The following MYRIP variants were observed in gnomAD, a reference collection of about 807,000 sequenced individuals.
The protein encoded by MYRIP is rab effector MyRIP.
In MYRIP, 49 loss-of-function variants were observed where a neutral mutation model predicts 98.0. The ratio of observed to expected loss-of-function variants is 0.50; its 90% CI spans 0.40 to 0.63. MYRIP has a LOEUF of 0.63. Ranked by LOEUF, MYRIP falls within the 30% of genes least tolerant of loss-of-function variation. The probability of loss-of-function intolerance (pLI) is 0.00; values close to 1 mark genes in which losing one functional copy is unlikely to be tolerated. For synonymous variants in MYRIP, 404 were observed against 409.5 expected, an observed-to-expected ratio of 0.99 and a Z score of 0.16; for missense variants, 1,004 against 1,058.2, an observed-to-expected ratio of 0.95 and a Z score of 0.71.
intron 1 of MYRIP, among the ~76,000 whole-genome samples, chr3:39,831,707 T>C (rs1941452998): frequency 6.6e-6 from 1 of 152,228 alleles, no homozygotes; most frequent in Admixed American, 6.5e-5. Context: ...ATTCTACATA[T>C]ATTTACACAT....
At chr3:39,945,494 AAAAAG>A (rs1559531695) in intron 2 of MYRIP, among the ~76,000 whole-genome samples, 1 of 148,312 alleles carries the variant, frequency 6.7e-6, no homozygotes, top group African/African-American at 2.5e-5. Context: ...AAAAAAAAGA[AAAAAG>A]AAAAAAAAAG....
intron 3 of MYRIP, among the ~76,000 whole-genome samples, chr3:40,058,831 C>T (rs28618136): frequency 0.29 from 44,045 of 151,756 alleles, 6,479 homozygotes; most frequent in East Asian, 0.36. Context: ...ATGTGCAGAA[C>T]GTGCAGGTTT....
chr3:39,885,356 C>G (rs549463545), intron 1 of MYRIP, among the ~76,000 whole-genome samples: 1 of 151,930 alleles, frequency 6.6e-6, no homozygotes, highest in Non-Finnish European at 1.5e-5. Context: ...GAGTTTCTGC[C>G]GAGAGATCCG....
intron 1 of MYRIP, among the ~76,000 whole-genome samples, chr3:39,882,810 G>A (rs1575340148): frequency 1.3e-5 from 2 of 152,204 alleles, no homozygotes; most frequent in Middle Eastern, 3.4e-3. Context: ...GGAATACAGG[G>A]TTGGACAATC....
chr3:40,172,295 C>T (rs563718647), intron 8 of MYRIP, among the ~76,000 whole-genome samples: 8 of 152,226 alleles, frequency 5.3e-5, no homozygotes, highest in East Asian at 1.9e-4. Flanking sequence ...GACAGGTAGA[C>T]GCTCGGTTAG....
rs1400253573 is a variant in MYRIP, at chr3:39,979,650, C to CAAAAA, written c.111-64396_111-64395insAAAAA. ...TGAAACTACATCTCAAAAACCAAAA[C>CAAAAA]AAAACAAAAAAAAAAAAACAAAAAA... On this transcript the variant is annotated intron_variant, in intron 2 of 16. Transcript: ENST00000302541. Among the ~76,000 whole-genome samples the CAAAAA allele has an allele frequency of 2.7e-4, 21 of 79,000 alleles. 2 individuals are homozygous for CAAAAA. Among genetic ancestry groups the CAAAAA allele is most frequent in the Non-Finnish European group, 5.1e-4 (17 of 33,656 alleles). 51.8% of individuals were successfully genotyped at this position (79,000 alleles called of 152,430 possible). A position where few individuals can be genotyped will look rare whatever the true frequency, so the allele number is the denominator to read the frequency against.
chr3:39,987,522 G>A (rs1361014816), intron 2 of MYRIP, among the ~76,000 whole-genome samples: 1 of 152,146 alleles, frequency 6.6e-6, no homozygotes, highest in Admixed American at 6.5e-5. Flanking sequence ...TATATACCCA[G>A]TAATGAGATT....
At chr3:40,054,171 C>G (rs1425571907) in intron 3 of MYRIP, among the ~76,000 whole-genome samples, 2 of 152,142 alleles carry the variant, frequency 1.3e-5, no homozygotes, top group Non-Finnish European at 2.9e-5. Context: ...ATACCATGAC[C>G]TTGCACATGA....
At chr3:39,935,105 A>G (rs1272426511) in intron 2 of MYRIP, among the ~76,000 whole-genome samples, 2 of 152,168 alleles carry the variant, frequency 1.3e-5, no homozygotes, top group East Asian at 3.9e-4. Flanking sequence ...TGGAAACCAC[A>G]TACCTTGAGT....
At chr3:39,883,103 A>T (rs1943195663) in intron 1 of MYRIP, among the ~76,000 whole-genome samples, 1 of 152,196 alleles carries the variant, frequency 6.6e-6, no homozygotes, top group East Asian at 1.9e-4. Flanking sequence ...TTTTTCCTCA[A>T]CTGCACTTTG....
intron 3 of MYRIP, among the ~76,000 whole-genome samples, chr3:40,102,774 G>C (rs1375150116): frequency 1.3e-5 from 2 of 151,892 alleles, no homozygotes; most frequent in African/African-American, 2.4e-5. Context: ...CCTGATAGGG[G>C]ATTCAGCAAT....
chr3:40,038,085 A>G (rs1050356403), intron 2 of MYRIP, among the ~76,000 whole-genome samples: 6 of 152,046 alleles, frequency 3.9e-5, no homozygotes, highest in African/African-American at 1.2e-4. Flanking sequence ...GAAAGTCTCA[A>G]TGAATACCAA....
intron 7 of MYRIP, among the ~76,000 whole-genome samples, chr3:40,167,618 C>T (rs902757725): frequency 1.3e-5 from 2 of 152,130 alleles, no homozygotes; most frequent in African/African-American, 4.8e-5. Context: ...GGAGTTAGTG[C>T]AGACCCCACA....
At chr3:40,095,100 G>A (rs920019160) in intron 3 of MYRIP, among the ~76,000 whole-genome samples, 14 of 152,156 alleles carry the variant, frequency 9.2e-5, no homozygotes, top group Non-Finnish European at 1.9e-4. Flanking sequence ...AGCCCCACCC[G>A]AGAGCAAGAG....
intron 2 of MYRIP, among the ~76,000 whole-genome samples, chr3:39,990,261 C>A (rs1475303967): frequency 6.6e-6 from 1 of 152,138 alleles, no homozygotes; most frequent in African/African-American, 2.4e-5. Flanking sequence ...CCCTGTGTAG[C>A]CACCACACCA....
Position 40,029,365 on chromosome 3 carries a change from C to A in MYRIP, c.111-14685C>A, listed in dbSNP as rs191949080. Among the ~76,000 whole-genome samples the A allele has an allele frequency of 1.5e-3, 232 of 152,262 alleles. 2 individuals carry two copies. The highest frequency in any genetic ancestry group is 5.5e-3 in the African/African-American group (227 of 41,566). ...TTTCACTTACAATTCTGGATTCAGC[C>A]TCCCTTTATTATACAATAATCAGGC... is the stretch of plus-strand genomic sequence containing the variant. On this transcript the variant is annotated intron_variant, in intron 2 of 16. Transcript: ENST00000302541.
intron 1 of MYRIP, among the ~76,000 whole-genome samples, chr3:39,849,177 T>TA (rs1942055411): frequency 1.3e-5 from 2 of 152,204 alleles, no homozygotes; most frequent in African/African-American, 4.8e-5. Context: ...AATGATGGGC[T>TA]ACAACTTGCC....
intron 3 of MYRIP, among the ~76,000 whole-genome samples, chr3:40,122,749 G>T (rs1949430856): frequency 6.6e-6 from 1 of 151,866 alleles, no homozygotes; most frequent in South Asian, 2.1e-4. Context: ...TATATATTTT[G>T]ATATAAGCCT....
intron 1 of MYRIP, among the ~76,000 whole-genome samples, chr3:39,816,236 C>T (rs1295784361): frequency 6.6e-6 from 1 of 152,066 alleles, no homozygotes; most frequent in Non-Finnish European, 1.5e-5. Context: ...CGCCGGCCAC[C>T]ACGCCCAGCT....
Sources: allele counts gnomAD v4.1 joint callset (sites outside exome capture counted in the v4.1 genomes callset), GRCh38; gene constraint gnomAD v4.1.1; transcripts MANE v1.5; gene names NCBI Gene and HGNC (gene_info 2026-07-23, HGNC 2026-07-21).